MCPH1: variants seen among roughly 807,000 people sequenced by gnomAD.
MCPH1 encodes microcephalin.
A neutral mutation model predicts 84.5 loss-of-function variants in MCPH1; 104 were observed. The ratio of observed to expected loss-of-function variants is 1.23; its 90% CI spans 1.05 to 1.45. The LOEUF (loss-of-function observed/expected upper bound fraction) is 1.45. Among genes scored for constraint, MCPH1 ranks in the 40% most tolerant of loss-of-function variants. The pLI, the probability that MCPH1 is intolerant of heterozygous loss-of-function variation, is 0.00. For synonymous variants in MCPH1, 514 were observed against 366.8 expected (o/e 1.40, Z -4.58); for missense variants, 1,498 against 1,005.7 (o/e 1.49, Z -6.62).
At chr8:6,426,646 T>G (rs1450339399) in intron 3 of MCPH1, among the ~76,000 whole-genome samples, 3 of 152,244 alleles carry the variant, frequency 2.0e-5, no homozygotes, top group South Asian at 2.1e-4. Flanking sequence ...GACATTTACA[T>G]TTGTGTCTTT....
chr8:6,635,686 T>C (rs576300103), intron 13 of MCPH1, among the ~76,000 whole-genome samples: 2 of 152,300 alleles, frequency 1.3e-5, no homozygotes, highest in African/African-American at 4.8e-5. Context: ...TCTAAGACCA[T>C]TGTTAGTGGT....
At chr8:6,503,650 G>C (rs1812649955) in intron 12 of MCPH1, among the ~76,000 whole-genome samples, 1 of 152,166 alleles carries the variant, frequency 6.6e-6, no homozygotes, top group Admixed American at 6.5e-5. Context: ...AACATGGTGG[G>C]CTGGACTCGC....
At position 6,455,560 on chromosome 8, in the gene MCPH1, G is replaced by A. The variant is rs150458419; in HGVS notation, c.1935+308G>A. Among the ~76,000 whole-genome samples the A allele has an allele frequency of 1.7e-3, 255 of 152,184 alleles. 3 individuals are homozygous for A. The highest frequency in any genetic ancestry group is 1.3e-3 in the Non-Finnish European group (86 of 67,980). ...CAGTGTTTCTTGCCATTTTATAATC[G>A]GAATAAATATTTACTAGGTAGGAGG... On this transcript the variant is annotated intron_variant, in intron 9 of 13. Transcript: ENST00000344683.
At chr8:6,528,757 G>T (rs1563351391) in intron 12 of MCPH1, among the ~76,000 whole-genome samples, 1 of 152,222 alleles carries the variant, frequency 6.6e-6, no homozygotes, top group Non-Finnish European at 1.5e-5. Context: ...TTGTTGCCAA[G>T]GAACCGGAGA....
At chr8:6,418,554 T>G (rs921902124) in intron 3 of MCPH1, among the ~76,000 whole-genome samples, 8 of 152,296 alleles carry the variant, frequency 5.3e-5, no homozygotes, top group African/African-American at 1.7e-4. Flanking sequence ...TTATTTGATC[T>G]TTTTGGAGAC....
rs1803983807 is a variant in MCPH1, at chr8:6,444,558, C to G, written c.836C>G (p.Ser279Cys). 1 of 1,614,166 alleles carries G rather than the reference C, an allele frequency of 6.2e-7. No individual in the cohort carries two copies. ...LKANNIHSSP[S>C]FTHLDKSSPQ... The stretch of plus-strand genomic sequence containing the variant: ...GCAAATAATATTCATTCATCACCAT[C>G]TTTCACTCACCTCGATAAATCAAGT... Residue 279 changes from serine to cysteine, a missense_variant, in exon 8 of 14, where the codon TCT becomes TGT. Coordinates refer to ENST00000344683, the MANE Select transcript of MCPH1 (RefSeq NM_024596.5).
chr8:6,505,344 ATATATTCTTTC>A (rs1813260539), intron 12 of MCPH1, among the ~76,000 whole-genome samples: 2 of 70,260 alleles, frequency 2.8e-5, no homozygotes, highest in East Asian at 2.9e-4. Flanking sequence ...GAAAGAATAT[ATATATTCTTTC>A]TATATGTATA....
intron 12 of MCPH1, among the ~76,000 whole-genome samples, chr8:6,617,365 C>T (rs944894802): frequency 2.7e-5 from 4 of 150,196 alleles, no homozygotes; most frequent in Non-Finnish European, 5.9e-5. Flanking sequence ...CTGCAAGCTC[C>T]TCCTCCCAGG....
chr8:6,422,842 C>G (rs749637467), intron 3 of MCPH1, among the ~76,000 whole-genome samples: 8 of 152,104 alleles, frequency 5.3e-5, no homozygotes, highest in Non-Finnish European at 1.0e-4. Context: ...GAGCCCGCCA[C>G]CACGCCCGGC....
intron 12 of MCPH1, among the ~76,000 whole-genome samples, chr8:6,568,956 G>C (rs1368914838): frequency 6.6e-6 from 1 of 152,198 alleles, no homozygotes; most frequent in Non-Finnish European, 1.5e-5. Context: ...GGGACACTAT[G>C]TTTTGATTTG....
At chr8:6,586,719 A>T (rs763198116) in intron 12 of MCPH1, among the ~76,000 whole-genome samples, 3 of 152,238 alleles carry the variant, frequency 2.0e-5, no homozygotes, top group African/African-American at 7.2e-5. Flanking sequence ...CTGAGCTTCA[A>T]GCCATTCATT....
At chr8:6,561,072 G>A (rs940677326) in intron 12 of MCPH1, among the ~76,000 whole-genome samples, 8 of 152,208 alleles carry the variant, frequency 5.3e-5, no homozygotes, top group African/African-American at 1.9e-4. Context: ...GGAAGTTCAA[G>A]TTAAGCAGAT....
chr8:6,422,868 T>G (rs1563184659), intron 3 of MCPH1, among the ~76,000 whole-genome samples: 1 of 151,864 alleles, frequency 6.6e-6, no homozygotes, highest in Non-Finnish European at 1.5e-5. Context: ...TTTTGTGGTT[T>G]TAGTAGAGAC....
At chr8:6,487,063 C>T (rs1166088007) in intron 11 of MCPH1, among the ~76,000 whole-genome samples, 1 of 152,222 alleles carries the variant, frequency 6.6e-6, no homozygotes, top group Non-Finnish European at 1.5e-5. Context: ...TGAGGAATAA[C>T]TCAGCCTGTA....
At chr8:6,425,206 A>G (rs1282416176) in intron 3 of MCPH1, among the ~76,000 whole-genome samples, 3 of 152,140 alleles carry the variant, frequency 2.0e-5, no homozygotes, top group African/African-American at 7.2e-5. Context: ...TGCTGCTTTG[A>G]TTTCTGTTGG....
Position 6,566,454 on chromosome 8 carries a change from T to C in MCPH1, c.2215-55000T>C, listed in dbSNP as rs565809318. On this transcript the variant is annotated intron_variant, in intron 12 of 13. Transcript: ENST00000344683. ...TAACCGTGTGTGGCGAGCAAGGCTATTGACACTGTACGCCGTGCAGCGACC... is the reference window on the plus strand; with the variant it reads ...TAACCGTGTGTGGCGAGCAAGGCTACTGACACTGTACGCCGTGCAGCGACC... Among the ~76,000 whole-genome samples, 34 of 152,304 alleles carry C rather than the reference T, an allele frequency of 2.2e-4. No individual in the cohort carries two copies. In the South Asian group the frequency reaches 7.0e-3, roughly 32 times the overall value.
At chr8:6,421,718 G>C (rs1156283365) in intron 3 of MCPH1, among the ~76,000 whole-genome samples, 1 of 152,078 alleles carries the variant, frequency 6.6e-6, no homozygotes, top group East Asian at 1.9e-4. Flanking sequence ...GAGACCTTAC[G>C]GCCCACGAAG....
chr8:6,599,736 A>G (rs1364749277), intron 12 of MCPH1, among the ~76,000 whole-genome samples: 1 of 152,088 alleles, frequency 6.6e-6, no homozygotes, highest in Non-Finnish European at 1.5e-5. Context: ...TGTTTTTTTG[A>G]AAGTAGTGAG....
chr8:6,544,661 T>C (rs1237806606), intron 12 of MCPH1, among the ~76,000 whole-genome samples: 1 of 152,156 alleles, frequency 6.6e-6, no homozygotes, highest in Non-Finnish European at 1.5e-5. Flanking sequence ...CATATTTTAT[T>C]TCTATAGGAT....
Sources: allele counts gnomAD v4.1 joint callset (sites outside exome capture counted in the v4.1 genomes callset), GRCh38; gene constraint gnomAD v4.1.1; transcripts MANE v1.5; gene names NCBI Gene and HGNC (gene_info 2026-07-23, HGNC 2026-07-21).